Variants in NUMB observed in about 807,000 individuals in gnomAD.
NUMB encodes NUMB endocytic adaptor protein.
In NUMB, 29 loss-of-function variants were observed where a neutral mutation model predicts 59.7. That is an observed-to-expected ratio of 0.49 (90% confidence interval 0.36 to 0.66). The LOEUF (loss-of-function observed/expected upper bound fraction) is 0.66. Among genes scored for constraint, NUMB ranks in the 30% least tolerant of loss-of-function variants. The pLI is 0.00. For synonymous variants in NUMB, 288 were observed against 288.2 expected, an observed-to-expected ratio of 1.00 and a Z score of 0.01; for missense variants, 723 against 822.0, an observed-to-expected ratio of 0.88 and a Z score of 1.47.
chr14:73,402,256 TA>T (rs1483334803), intron 2 of NUMB, among the ~76,000 whole-genome samples: 15 of 152,312 alleles, frequency 9.8e-5, no homozygotes, highest in African/African-American at 3.4e-4. Flanking sequence ...AAAATACTAC[TA>T]ATCAACAGTA....
intron 2 of NUMB, among the ~76,000 whole-genome samples, chr14:73,367,869 T>C (rs1194086817): frequency 6.6e-6 from 1 of 151,566 alleles, no homozygotes; most frequent in African/African-American, 2.4e-5. Context: ...TTGTCAAAGC[T>C]GTAGGGAAAA....
intron 7 of NUMB, among the ~76,000 whole-genome samples, 159 bp downstream of exon 7, chr14:73,297,051 CA>C: frequency 6.6e-6 from 1 of 152,292 alleles, no homozygotes; most frequent in East Asian, 1.9e-4. Flanking sequence ...CCTGTAATCC[CA>C]GCTACTAGGG....
chr14:73,446,569 C>T (rs1367239054), intron 1 of NUMB, among the ~76,000 whole-genome samples: 1 of 150,326 alleles, frequency 6.7e-6, no homozygotes, highest in African/African-American at 2.5e-5. Context: ...AGTGCCACTG[C>T]ACTCCAGCCT....
At chr14:73,401,563 ATT>A (rs1164847403) in intron 2 of NUMB, among the ~76,000 whole-genome samples, 100 of 110,008 alleles carry the variant, frequency 9.1e-4, no homozygotes, top group African/African-American at 1.4e-3. Context: ...GTAAGACTAA[ATT>A]TTTTTTTTTT....
chr14:73,276,809 G>C lies in NUMB; in HGVS notation c.1725C>G (p.Phe575Leu), dbSNP rs142437129. The C allele has an allele frequency of 1.2e-5, 20 of 1,613,798 alleles. No individual in the cohort carries two copies. The African/African-American group carries it at 2.3e-4, about 18-fold the overall frequency. Reference sequence around the variant, plus strand: ...TGAGGTGCTGAGCAGGAGGCTTAAAGAAGGGACTGGTGGTAGCACTGCTTG... The same window carrying C: ...TGAGGTGCTGAGCAGGAGGCTTAAACAAGGGACTGGTGGTAGCACTGCTTG... ...YEASSATTSP[F>L]FKPPAQHLNG... The change falls in exon 13 of 13, where the codon TTC (phenylalanine) becomes TTG (leucine). Residue 575 changes from phenylalanine to leucine, a missense_variant. Around this residue, in one of 2 missense-constraint regions of NUMB, gnomAD observed 406 missense variants for 385.4 expected, o/e 1.05. Transcript: ENST00000555238.
intron 4 of NUMB, among the ~76,000 whole-genome samples, chr14:73,338,492 G>C (rs1369034340): frequency 1.3e-5 from 2 of 152,032 alleles, no homozygotes; most frequent in Non-Finnish European, 2.9e-5. Flanking sequence ...TTATCTCTTT[G>C]TTATCACCCT....
intron 4 of NUMB, among the ~76,000 whole-genome samples, chr14:73,330,767 T>C (rs546572893): frequency 1.7e-4 from 26 of 152,058 alleles, no homozygotes; most frequent in Non-Finnish European, 2.8e-4. Flanking sequence ...ACAGAACCAA[T>C]AGGATGGATG....
At chr14:73,435,643 G>C (rs1312810726) in intron 1 of NUMB, among the ~76,000 whole-genome samples, 1 of 151,922 alleles carries the variant, frequency 6.6e-6, no homozygotes, top group African/African-American at 2.4e-5. Context: ...ATTCACCCAA[G>C]AGAAATGAAA....
intron 4 of NUMB, among the ~76,000 whole-genome samples, chr14:73,325,429 G>A (rs946219230): frequency 7.9e-5 from 12 of 152,154 alleles, no homozygotes; most frequent in Admixed American, 6.6e-4. Context: ...ACACCAGCCT[G>A]GGTGATAGAG....
At chr14:73,390,837 C>T (rs1022510027) in intron 2 of NUMB, among the ~76,000 whole-genome samples, 5 of 150,898 alleles carry the variant, frequency 3.3e-5, no homozygotes, top group African/African-American at 4.9e-5. Context: ...TTAGTAGAGA[C>T]GGGGTTTCAC....
chr14:73,408,610 G>A (rs1896780633), intron 2 of NUMB, among the ~76,000 whole-genome samples: 1 of 152,058 alleles, frequency 6.6e-6, no homozygotes, highest in Non-Finnish European at 1.5e-5. Context: ...GGACGCGGTG[G>A]CTCACACCTG....
At chr14:73,291,787 G>A (rs879780365) in intron 8 of NUMB, among the ~76,000 whole-genome samples, 5 of 151,546 alleles carry the variant, frequency 3.3e-5, no homozygotes, top group Non-Finnish European at 5.9e-5. Context: ...GGGTTCAAGC[G>A]ATTCTTCTGC....
intron 1 of NUMB, among the ~76,000 whole-genome samples, chr14:73,423,571 G>A (rs184740138): frequency 6.6e-6 from 1 of 152,180 alleles, no homozygotes; most frequent in Non-Finnish European, 1.5e-5. Flanking sequence ...AACCCAGGAG[G>A]TGGAGGTTGC....
chr14:73,280,043 GCTA>G (rs1182974729), intron 11 of NUMB, among the ~76,000 whole-genome samples: 3 of 152,124 alleles, frequency 2.0e-5, no homozygotes, highest in Non-Finnish European at 4.4e-5. Flanking sequence ...TGTAAACCTA[GCTA>G]CTAGGGAGGC....
intron 8 of NUMB, among the ~76,000 whole-genome samples, chr14:73,291,612 AGGT>A (rs1193653302): frequency 6.6e-6 from 1 of 151,620 alleles, no homozygotes; most frequent in East Asian, 1.9e-4. Flanking sequence ...TCTTGACCTC[AGGT>A]GATCTGCCTA....
In NUMB at chr14:73,364,374, C is replaced by A. The variant is rs1261347528; in HGVS notation, c.-16+2523G>T. On this transcript the variant is annotated intron_variant, in intron 3 of 12. Transcript: ENST00000555238. ...CAAAAATTAGCCAGGCATGGTGATG[C>A]CCGCTTATAGTCCCAGCTACTCAGG... Among the ~76,000 whole-genome samples, 13 of 151,922 alleles carry A rather than the reference C, an allele frequency of 8.6e-5. 1 individual carries two copies. Among genetic ancestry groups the A allele is most frequent in the Admixed American group, 7.9e-4 (12 of 15,218 alleles).
chr14:73,355,877 G>A (rs1178615676), intron 3 of NUMB, 111 bp from the exon 4 acceptor site: 3 of 770,086 alleles, frequency 3.9e-6, no homozygotes, highest in Admixed American at 5.9e-5. Context: ...AAGGTTTTGG[G>A]TTTTATTTAA....
intron 2 of NUMB, among the ~76,000 whole-genome samples, chr14:73,390,603 T>C (rs1895791755): frequency 1.3e-5 from 2 of 150,876 alleles, no homozygotes; most frequent in South Asian, 2.1e-4. Flanking sequence ...CTGTCTTATT[T>C]ATAAGACTGA....
chr14:73,297,168 C>T, intron 7 of NUMB, 43 bp downstream of exon 7: 1 of 1,358,262 alleles, frequency 7.4e-7, no homozygotes, highest in South Asian at 1.2e-5. Context: ...ACTCCATCTC[C>T]AAAAAAAATA....
Sources: allele counts gnomAD v4.1 joint callset (sites outside exome capture counted in the v4.1 genomes callset), GRCh38; gene constraint gnomAD v4.1.1; regional missense constraint gnomAD v4.1.1; transcripts MANE v1.5; gene names NCBI Gene and HGNC (gene_info 2026-07-23, HGNC 2026-07-21).